The following C6 variants were observed in gnomAD, a reference collection of about 807,000 sequenced individuals.
The protein encoded by C6 is complement component C6.
Under a neutral mutation model 112.9 loss-of-function variants are expected in C6, and 101 were observed. The ratio of observed to expected loss-of-function variants is 0.89; its 90% CI spans 0.76 to 1.06. The LOEUF is 1.06. C6 is among the 50% of genes least tolerant of loss of function. The pLI is 0.00. For missense variants in C6, 1,202 were observed against 1,104.6 expected (o/e 1.09, Z -1.25); for synonymous variants, 431 against 384.1 (o/e 1.12, Z -1.43).
chr5:41,248,188 T>G (rs113603217), intron 1 of C6, among the ~76,000 whole-genome samples: 1,531 of 152,272 alleles, frequency 0.01, 33 homozygotes, highest in African/African-American at 0.035. Context: ...AGCTTAAAAT[T>G]TTAAATGTAA....
chr5:41,259,674 G>A (rs542695614), intron 1 of C6, among the ~76,000 whole-genome samples: 2 of 152,174 alleles, frequency 1.3e-5, no homozygotes, highest in African/African-American at 4.8e-5. Flanking sequence ...TTATAAGTGG[G>A]CCTTAACTCT....
intron 7 of C6, among the ~76,000 whole-genome samples, chr5:41,177,020 C>G (rs566652298): frequency 1.6e-4 from 25 of 152,296 alleles, no homozygotes; most frequent in Admixed American, 1.5e-3. Flanking sequence ...GATTGCCAAT[C>G]ATGGCTGCAT....
At chr5:41,145,465 A>G (rs1745732154) in intron 17 of C6, among the ~76,000 whole-genome samples, 2 of 152,214 alleles carry the variant, frequency 1.3e-5, no homozygotes, top group African/African-American at 4.8e-5. Context: ...AAAGAAATTT[A>G]TTTAATGGAT....
intron 1 of C6, among the ~76,000 whole-genome samples, chr5:41,221,014 A>T (rs1244788577): frequency 7.1e-6 from 1 of 140,640 alleles, no homozygotes; most frequent in Admixed American, 7.4e-5. Flanking sequence ...ATCTTTTAAA[A>T]CTAATATATT....
At chr5:41,255,038 G>A (rs1275889225) in intron 1 of C6, among the ~76,000 whole-genome samples, 1 of 152,102 alleles carries the variant, frequency 6.6e-6, no homozygotes, top group East Asian at 1.9e-4. Context: ...AATGCTTTGA[G>A]GGGCCAACTA....
chr5:41,158,499 A>T (rs943710546), intron 13 of C6, among the ~76,000 whole-genome samples, 175 bp downstream of exon 13: 6 of 152,226 alleles, frequency 3.9e-5, no homozygotes, highest in Non-Finnish European at 5.9e-5. Flanking sequence ...CTATGAAGAC[A>T]TCTCTAGGAA....
intron 13 of C6, among the ~76,000 whole-genome samples, chr5:41,155,390 T>G (rs1746801903): frequency 6.6e-6 from 1 of 152,130 alleles, no homozygotes; most frequent in South Asian, 2.1e-4. Flanking sequence ...TTTTTTAACT[T>G]GAAAACTTGC....
intron 1 of C6, among the ~76,000 whole-genome samples, chr5:41,233,245 C>G (rs1249277814): frequency 1.3e-5 from 2 of 152,072 alleles, no homozygotes; most frequent in Non-Finnish European, 2.9e-5. Context: ...TCTAACTACT[C>G]ATTCTGGTCA....
Position 41,251,359 on chromosome 5 carries a change from A to T in C6, c.-21+9835T>A, listed in dbSNP as rs185659346. Among the ~76,000 whole-genome samples the T allele has an allele frequency of 7.9e-4, 121 of 152,284 alleles. 1 individual carries two copies. The highest frequency in any genetic ancestry group is 2.8e-3 in the African/African-American group (115 of 41,544). On this transcript the variant is annotated intron_variant, in intron 1 of 17. Transcript: ENST00000263413. The stretch of plus-strand genomic sequence containing the variant: ...TCATCCCAGAACCATATATATATAT[A>T]TATTTTCTACCAAGTACCAGATGCA...
chr5:41,231,708 G>A (rs1580232733), intron 1 of C6, among the ~76,000 whole-genome samples: 13 of 151,902 alleles, frequency 8.6e-5, no homozygotes. Flanking sequence ...TTTAAAGTAA[G>A]TGGTGTGCCT....
intron 3 of C6, among the ~76,000 whole-genome samples, chr5:41,200,624 T>C (rs140193491): frequency 1.2e-3 from 190 of 152,320 alleles, no homozygotes; most frequent in African/African-American, 4.5e-3. Flanking sequence ...AAAGTAGCTG[T>C]TCCACAAATG....
chr5:41,186,304 T>C lies in C6; in HGVS notation c.588-96A>G, dbSNP rs555942702. On this transcript the variant is annotated intron_variant, in intron 5 of 17. Transcript: ENST00000337836. Reference sequence around the variant, plus strand: ...AAAGGAATTCCTCTTCTAAACCTTTTTGCCTCAAGACAAATGACTTGAAGG... The same window carrying C: ...AAAGGAATTCCTCTTCTAAACCTTTCTGCCTCAAGACAAATGACTTGAAGG... The C allele has an allele frequency of 3.6e-6, 5 of 1,376,506 alleles. No individual in the cohort carries two copies. The South Asian group carries it at 6.1e-5, about 17-fold the overall frequency. 85.3% of individuals were successfully genotyped at this position (1,376,506 alleles called of 1,614,324 possible). A position where few individuals can be genotyped will look rare whatever the true frequency, so the allele number is the denominator to read the frequency against.
chr5:41,173,929 G>A (rs1748635408), intron 8 of C6, among the ~76,000 whole-genome samples: 1 of 152,102 alleles, frequency 6.6e-6, no homozygotes, highest in Non-Finnish European at 1.5e-5. Flanking sequence ...CTTCTAGTAG[G>A]ATTGTTTTTA....
chr5:41,144,347 A>G (rs1169577019), intron 17 of C6, among the ~76,000 whole-genome samples: 1 of 152,042 alleles, frequency 6.6e-6, no homozygotes, highest in Admixed American at 6.6e-5. Context: ...GGCTCACTGC[A>G]CCCTCGAACT....
chr5:41,249,709 G>A (rs1741227928), intron 1 of C6, among the ~76,000 whole-genome samples: 1 of 152,132 alleles, frequency 6.6e-6, no homozygotes, highest in Admixed American at 6.5e-5. Flanking sequence ...CTACATGTGG[G>A]TAAAAAGTGT....
At chr5:41,158,822 T>C (rs1484098159) in intron 12 of C6, 37 bp from the exon 13 acceptor site, 38 of 1,177,372 alleles carry the variant, frequency 3.2e-5, no homozygotes, top group Non-Finnish European at 4.3e-5. Flanking sequence ...TATATGTATG[T>C]ATGTACACAC....
Position 41,176,576 on chromosome 5 carries a change from C to T in C6, c.1067G>A (p.Arg356Gln), listed in dbSNP as rs369381506. 4.2e-5 allele frequency: 68 copies of T among 1,613,732 alleles called. No individual in the cohort carries two copies. Among genetic ancestry groups the T allele is most frequent in the South Asian group, 6.6e-5 (6 of 91,060 alleles). Residue 356 changes from arginine to glutamine, a missense_variant, in exon 8 of 18, where the codon CGA becomes CAA. Physicochemically the swap from Arg to Gln is conservative, Grantham distance 43. Coordinates refer to ENST00000337836, the MANE Select transcript of C6 (RefSeq NM_000065.5). The stretch of plus-strand genomic sequence containing the variant: ...ATGAGTCCCAAAGTCATCGAATATT[C>T]GGCTGTACAAAGCAGAGTTGTATTC... ...PLEYNSALYS[R>Q]IFDDFGTHYF...
chr5:41,224,641 T>C (rs28484696), intron 1 of C6, among the ~76,000 whole-genome samples: 4,362 of 152,206 alleles, frequency 0.029, 212 homozygotes, highest in African/African-American at 0.1. Context: ...TTTGTTTATC[T>C]ATTTATCAGT....
At chr5:41,156,814 A>G (rs1199089044) in intron 13 of C6, among the ~76,000 whole-genome samples, 1 of 152,238 alleles carries the variant, frequency 6.6e-6, no homozygotes, top group Non-Finnish European at 1.5e-5. Context: ...TTCTTCTGAA[A>G]TAAATTTTTG....
Sources: allele counts gnomAD v4.1 joint callset (sites outside exome capture counted in the v4.1 genomes callset), GRCh38; gene constraint gnomAD v4.1.1; transcripts MANE v1.5; gene names NCBI Gene and HGNC (gene_info 2026-07-23, HGNC 2026-07-21).